Variants in ASTN2 observed in about 807,000 individuals in gnomAD.
The protein encoded by ASTN2 is astrotactin-2.
Under a neutral mutation model 139.8 loss-of-function variants are expected in ASTN2, and 54 were observed. The observed-to-expected ratio is 0.39, with a 90% CI of 0.31 to 0.48. ASTN2 has a LOEUF of 0.48. ASTN2 is among the 20% of genes least tolerant of loss of function. The pLI, the probability that ASTN2 is intolerant of heterozygous loss-of-function variation, is 0.95. For synonymous variants in ASTN2, 756 were observed against 719.5 expected (o/e 1.05, Z -0.81); for missense variants, 1,565 against 1,725.1 (o/e 0.91, Z 1.64).
intron 5 of ASTN2, among the ~76,000 whole-genome samples, chr9:117,082,950 T>G (rs1828467429): frequency 6.6e-6 from 1 of 152,234 alleles, no homozygotes; most frequent in South Asian, 2.1e-4. Context: ...AGCTATAATA[T>G]TGGCTTCTTA....
intron 7 of ASTN2, among the ~76,000 whole-genome samples, chr9:117,006,183 G>A (rs1162231629): frequency 6.6e-6 from 1 of 152,120 alleles, no homozygotes. Context: ...TTTTGGCAGG[G>A]TTGCTAGAGG....
intron 10 of ASTN2, among the ~76,000 whole-genome samples, chr9:116,941,354 G>A (rs1246541696): frequency 6.6e-6 from 1 of 151,484 alleles, no homozygotes; most frequent in Non-Finnish European, 1.5e-5. Flanking sequence ...TAGATTTACA[G>A]AAGAGTTGCA....
In ASTN2 at chr9:116,772,904, T is replaced by C. The variant is rs188631881; in HGVS notation, c.2396+32728A>G. ...TCATGTCTGTTGAAAATACACCAAA[T>C]GGCATAGTCATTATTTCTTTAGGGG... On this transcript the variant is annotated intron_variant, in intron 13 of 22. Coordinates refer to ENST00000313400, the MANE Select transcript of ASTN2 (RefSeq NM_001365068.1). Among the ~76,000 whole-genome samples the C allele has an allele frequency of 2.7e-4, 41 of 152,204 alleles. No homozygotes were observed. The South Asian group carries it at 8.3e-3, about 31-fold the overall frequency.
intron 19 of ASTN2, among the ~76,000 whole-genome samples, chr9:116,595,278 G>C (rs182141785): frequency 6.6e-6 from 1 of 152,208 alleles, no homozygotes; most frequent in African/African-American, 2.4e-5. Context: ...AAAATTTCTG[G>C]TATGGTGTAG....
At position 116,863,701 on chromosome 9, in the gene ASTN2, G is replaced by A; in HGVS notation, c.1922C>T (p.Thr641Ile). 6.2e-7 allele frequency: 1 copy of A among 1,614,138 alleles called. No homozygotes were observed. The highest frequency in any genetic ancestry group is 8.5e-7 in the Non-Finnish European group (1 of 1,179,990). The change falls in exon 11 of 23, where the codon ACC becomes ATC. Residue 641 changes from threonine to isoleucine, a missense_variant. Around this residue, in one of 4 missense-constraint regions of ASTN2, gnomAD observed 503 missense variants for 591.7 expected, o/e 0.85. Transcript: ENST00000313400. ...EEAMLSTYFE[T>I]INDLLSSFGP... ...GAAGGAAGACAGCAGGTCATTGATG[G>A]TTTCAAAGTATGTGGACAGCATCGC...
chr9:117,161,567 T>C (rs1366017692), intron 3 of ASTN2, among the ~76,000 whole-genome samples: 1 of 151,978 alleles, frequency 6.6e-6, no homozygotes, highest in Non-Finnish European at 1.5e-5. Flanking sequence ...CTAATTTCTG[T>C]TTTTTAAATA....
intron 19 of ASTN2, among the ~76,000 whole-genome samples, chr9:116,565,003 G>C (rs1853109291): frequency 6.6e-6 from 1 of 152,014 alleles, no homozygotes; most frequent in South Asian, 2.1e-4. Context: ...ACCTAAGCCA[G>C]CTAGAACCAA....
intron 1 of ASTN2, among the ~76,000 whole-genome samples, chr9:117,296,894 G>A (rs1201232179): frequency 1.3e-5 from 2 of 152,164 alleles, no homozygotes; most frequent in Non-Finnish European, 2.9e-5. Context: ...CCCCACAGAA[G>A]CTGAGAGAGA....
At chr9:116,517,991 C>T (rs1850718804) in intron 19 of ASTN2, among the ~76,000 whole-genome samples, 1 of 152,116 alleles carries the variant, frequency 6.6e-6, no homozygotes, top group Admixed American at 6.6e-5. Context: ...AAAAAAGCCT[C>T]CAAGAAATTT....
intron 10 of ASTN2, among the ~76,000 whole-genome samples, chr9:116,867,802 C>G (rs1415204434): frequency 6.6e-6 from 1 of 152,140 alleles, no homozygotes; most frequent in African/African-American, 2.4e-5. Flanking sequence ...GGGGCCGTTA[C>G]TAAGTCAAGA....
chr9:117,162,418 G>A (rs1195645250), intron 3 of ASTN2, among the ~76,000 whole-genome samples: 1 of 152,034 alleles, frequency 6.6e-6, no homozygotes, highest in African/African-American at 2.4e-5. Flanking sequence ...TCTGGTGAGA[G>A]CAAAGCAGAA....
intron 13 of ASTN2, among the ~76,000 whole-genome samples, chr9:116,760,753 G>C (rs1438178528): frequency 6.6e-6 from 1 of 152,134 alleles, no homozygotes; most frequent in Non-Finnish European, 1.5e-5. Flanking sequence ...GGGTGGCAGG[G>C]AACAGACTTG....
chr9:116,993,240 C>T (rs888893072), intron 7 of ASTN2, among the ~76,000 whole-genome samples: 1 of 152,150 alleles, frequency 6.6e-6, no homozygotes, highest in African/African-American at 2.4e-5. Flanking sequence ...CCAGTTCAAC[C>T]CAGCACATTA....
At chr9:116,525,528 C>CAT (rs766769744) in intron 19 of ASTN2, among the ~76,000 whole-genome samples, 2 of 152,134 alleles carry the variant, frequency 1.3e-5, no homozygotes, top group African/African-American at 4.8e-5. Flanking sequence ...TGGCCACTGT[C>CAT]ATATATATAA....
At position 116,975,322 on chromosome 9, in the gene ASTN2, C is replaced by A; in HGVS notation, c.1775G>T (p.Gly592Val). 1.9e-6 allele frequency: 3 copies of A among 1,611,954 alleles called. No individual in the cohort carries two copies. The highest frequency in any genetic ancestry group is 2.5e-6 in the Non-Finnish European group (3 of 1,179,014). The change falls in exon 10 of 23, where the codon GGC (glycine) becomes GTC (valine). Residue 592 changes from glycine to valine, a missense_variant. Gly to Val is a moderately radical substitution (Grantham distance 109). Coordinates refer to ENST00000313400, the MANE Select transcript of ASTN2 (RefSeq NM_001365068.1). ...GCTTTTGCTGACAGGAAGCCAGAGG[C>A]CTTGGCCCAAGCTGAAAGTAGACCT... is the stretch of plus-strand genomic sequence containing the variant. The part of the protein sequence containing the change: ...ILRSTFSLGQ[G>V]LWLPVSKSFV...
At chr9:116,463,901 G>A (rs937455329) in intron 20 of ASTN2, among the ~76,000 whole-genome samples, 1 of 135,246 alleles carries the variant, frequency 7.4e-6, no homozygotes, top group African/African-American at 2.7e-5. Flanking sequence ...CATGAACAGA[G>A]TTTTGTGTTT....
At chr9:116,970,478 T>A (rs572569949) in intron 10 of ASTN2, among the ~76,000 whole-genome samples, 7 of 152,346 alleles carry the variant, frequency 4.6e-5, no homozygotes, top group African/African-American at 1.7e-4. Flanking sequence ...ACTTTGTGTC[T>A]TTTTTCTGCC....
chr9:117,032,812 G>A (rs1049671816), intron 6 of ASTN2, among the ~76,000 whole-genome samples: 2 of 152,072 alleles, frequency 1.3e-5, no homozygotes, highest in Non-Finnish European at 2.9e-5. Flanking sequence ...CAATGTGTGG[G>A]CATTTATACT....
intron 16 of ASTN2, chr9:116,701,098 T>C (rs1376164080): frequency 6.0e-6 from 1 of 166,990 alleles, no homozygotes; most frequent in Non-Finnish European, 1.5e-5. Flanking sequence ...TTCCTGAGGG[T>C]TTGGTGTTTA....
Sources: allele counts gnomAD v4.1 joint callset (sites outside exome capture counted in the v4.1 genomes callset), GRCh38; gene constraint gnomAD v4.1.1; regional missense constraint gnomAD v4.1.1; transcripts MANE v1.5; gene names NCBI Gene and HGNC (gene_info 2026-07-23, HGNC 2026-07-21).